DBF4B: variants seen among roughly 807,000 people sequenced by gnomAD.
DBF4B encodes the protein protein DBF4 homolog B.
DBF4B carries 49 observed loss-of-function variants against 53.4 expected under a neutral mutation model. The observed-to-expected ratio is 0.92, with a 90% confidence interval of 0.73 to 1.16. The LOEUF (loss-of-function observed/expected upper bound fraction) is 1.16, where lower values mean the gene tolerates loss of function less well. Among genes scored for constraint, DBF4B ranks in the 50% most tolerant of loss-of-function variants. The probability of loss-of-function intolerance (pLI) is 0.00; values close to 1 mark genes in which losing one functional copy is unlikely to be tolerated. For synonymous variants in DBF4B, 257 were observed against 288.7 expected, an observed-to-expected ratio of 0.89 and a Z score of 1.11; for missense variants, 692 against 775.0, an observed-to-expected ratio of 0.89 and a Z score of 1.27.
chr17:44,749,281 C>G lies in DBF4B; in HGVS notation c.1189+816C>G, dbSNP rs2145169854. On this transcript the variant is annotated intron_variant, in intron 13 of 13. Transcript: ENST00000315005. The surrounding 1 kb of genome is among the most constrained non-coding windows in gnomAD (Gnocchi z 4.4). ...CTGGTCCCAACCCCAGCCCCAGCCC[C>G]AGCCCCATGCTGGCAGAGAGCTGCT... The G allele has an allele frequency of 7.7e-7, 1 of 1,290,462 alleles. No individual in the cohort carries two copies. The highest frequency in any genetic ancestry group is 5.5e-5 in the East Asian group (1 of 18,024). 79.9% of individuals were successfully genotyped at this position (1,290,462 alleles called of 1,614,324 possible). A position where few individuals can be genotyped will look rare whatever the true frequency, so the allele number is the denominator to read the frequency against.
intron 2 of DBF4B, among the ~76,000 whole-genome samples, chr17:44,716,321 A>C (rs1362838800): frequency 1.3e-5 from 2 of 152,048 alleles, no homozygotes; most frequent in African/African-American, 4.8e-5. Flanking sequence ...TTCGCTAGAG[A>C]AGAGTCCTCC....
rs2049282213 is a variant in DBF4B at position 44,751,810 on chromosome 17, T to G, written c.*557T>G. ...ATGGACAGGCTACTGGTGACCAAAG[T>G]TGGTTCCTTTTCTCCTTTCTTTCCT... On this transcript the variant is annotated 3_prime_UTR_variant, in exon 14 of 14. Coordinates refer to ENST00000315005, the MANE Select transcript of DBF4B (RefSeq NM_145663.3). 2 of 1,529,080 alleles carry G rather than the reference T, an allele frequency of 1.3e-6. No homozygotes were observed. The highest frequency in any genetic ancestry group is 2.7e-5 in the African/African-American group (2 of 72,836). The allele number at this position is 1,529,080 out of a possible 1,614,324, so 94.7% of individuals were successfully genotyped here.
chr17:44,740,103 A>G (rs1464367323), intron 9 of DBF4B, among the ~76,000 whole-genome samples: 3 of 152,008 alleles, frequency 2.0e-5, no homozygotes, highest in Non-Finnish European at 4.4e-5. Context: ...AAGCAGGTGC[A>G]TTCAAAGCCT....
intron 2 of DBF4B, among the ~76,000 whole-genome samples, chr17:44,721,163 C>G (rs1056861162): frequency 6.6e-6 from 1 of 151,954 alleles, no homozygotes; most frequent in African/African-American, 2.4e-5. Flanking sequence ...CAGCACCTGG[C>G]CAAGATTTTA....
chr17:44,746,883 G>A (rs1333844770), intron 10 of DBF4B, among the ~76,000 whole-genome samples, 200 bp from the exon 11 acceptor site: 9 of 151,670 alleles, frequency 5.9e-5, no homozygotes, highest in African/African-American at 1.7e-4. Flanking sequence ...GTCTCCAGAC[G>A]TCTTCTTCCT....
At chr17:44,729,145 ATAAC>A (rs1344223360) in intron 3 of DBF4B, among the ~76,000 whole-genome samples, 1 of 152,116 alleles carries the variant, frequency 6.6e-6, no homozygotes, top group Non-Finnish European at 1.5e-5. Flanking sequence ...CCTTCAATTC[ATAAC>A]TAATTTTTTT....
At chr17:44,718,338 G>A (rs372733538) in intron 2 of DBF4B, among the ~76,000 whole-genome samples, 16 of 150,024 alleles carry the variant, frequency 1.1e-4, no homozygotes, top group East Asian at 6.0e-4. Flanking sequence ...CAGGAGAATC[G>A]CTTGAACCTG....
chr17:44,732,463 C>G (rs918562048), intron 6 of DBF4B, 198 bp downstream of exon 6: 81 of 594,008 alleles, frequency 1.4e-4, no homozygotes, highest in African/African-American at 1.3e-3. Context: ...AGGCTGTGGC[C>G]TCGGCATCCC....
rs780729868 is a variant in DBF4B, at chr17:44,750,924, C to T, written c.1519C>T (p.Arg507Cys). The T allele has an allele frequency of 6.8e-6, 11 of 1,614,054 alleles. No homozygotes were observed. The highest frequency in any genetic ancestry group is 1.7e-5 in the Admixed American group (1 of 60,000). ...AGCCAGACCGTGGCTTATGTCTGCA[C>T]GCTGCTGGGTTCGTCCCTTTCCTTT... The part of the protein sequence containing the change: ...PEARPWLMSA[R>C]CWVRPFPFVT... The change falls in exon 14 of 14, where the codon CGC (arginine) becomes TGC (cysteine). Residue 507 changes from arginine (R) to cysteine (C), a missense_variant. This residue lies in a region of DBF4B where 597 missense variants were observed against 665.8 expected (regional missense o/e 0.90). Transcript: ENST00000315005.
At chr17:44,730,612 G>A (rs1974748474) in intron 4 of DBF4B, among the ~76,000 whole-genome samples, 1 of 152,128 alleles carries the variant, frequency 6.6e-6, no homozygotes, top group African/African-American at 2.4e-5. Flanking sequence ...GACTTCCTAC[G>A]AGCAAAAATT....
intron 2 of DBF4B, among the ~76,000 whole-genome samples, chr17:44,712,301 CTTT>C (rs1163777667): frequency 4.6e-4 from 33 of 71,934 alleles, no homozygotes; most frequent in African/African-American, 1.4e-3. Flanking sequence ...ATTATGTCTT[CTTT>C]TTTTTTTTTT....
chr17:44,726,675 T>C (rs1015856713), intron 3 of DBF4B, among the ~76,000 whole-genome samples: 15 of 152,168 alleles, frequency 9.9e-5, no homozygotes, highest in Admixed American at 4.6e-4. Context: ...TAATATTCTT[T>C]TGAGTGGATT....
chr17:44,727,027 A>T (rs1373782292), intron 3 of DBF4B, among the ~76,000 whole-genome samples: 1 of 125,858 alleles, frequency 7.9e-6, no homozygotes, highest in African/African-American at 3.0e-5. Flanking sequence ...TGAAACCGGG[A>T]GGTGGAGGTT....
rs111333759 is a variant in DBF4B, at chr17:44,748,390, C to G, written c.1114C>G (p.Leu372Val). The G allele has an allele frequency of 2.0e-5, 33 of 1,613,278 alleles. 1 individual carries two copies. The African/African-American group carries it at 2.4e-4, about 12-fold the overall frequency. The stretch of plus-strand genomic sequence containing the variant: ...TTGTGACCCTCTCTGTCCTGAGACT[C>G]TGCACCCCCATCAGCCCTCCCATCC... Reference protein sequence around the residue: ...SDCDPLCPETLHPHQPSHPRA... With the variant: ...SDCDPLCPETVHPHQPSHPRA... The change falls in exon 13 of 14, where the codon CTG becomes GTG. Residue 372 changes from leucine (L) to valine (V), a missense_variant. Leu to Val is a conservative substitution (Grantham distance 32). This residue lies in a region of DBF4B where 597 missense variants were observed against 665.8 expected (regional missense o/e 0.90). Coordinates refer to ENST00000315005, the MANE Select transcript of DBF4B (RefSeq NM_145663.3).
At position 44,751,885 on chromosome 17, in the gene DBF4B, C is replaced by T. The variant is rs370720872; in HGVS notation, c.*632C>T. On this transcript the variant is annotated 3_prime_UTR_variant, in exon 14 of 14. Transcript: ENST00000315005. ...GCAGCAGCCCCTCAGTGGCCTGGTT[C>T]TCCTGTCCCCCTGCCCTTCCTCACC... 1.2e-5 allele frequency: 19 copies of T among 1,536,202 alleles called. 1 individual carries two copies. The African/African-American group carries it at 1.4e-4, about 11-fold the overall frequency.
chr17:44,723,003 C>T lies in DBF4B; in HGVS notation c.206C>T (p.Ala69Val), dbSNP rs756843229. 1.2e-6 allele frequency: 2 copies of T among 1,614,012 alleles called. No homozygotes were observed. The highest frequency in any genetic ancestry group is 1.1e-5 in the South Asian group (1 of 91,068). The change falls in exon 3 of 14, where the codon GCC (alanine) becomes GTC (valine). Residue 69 changes from alanine to valine, a missense_variant. Physicochemically the swap from Ala to Val is moderately conservative, Grantham distance 64. Around this residue, in one of 3 missense-constraint regions of DBF4B, gnomAD observed 29 missense variants for 57.8 expected, o/e 0.50. Coordinates refer to ENST00000315005, the MANE Select transcript of DBF4B (RefSeq NM_145663.3). The part of the protein sequence containing the change: ...AGKNLQFLTG[A>V]IQQLGGVIEG... ...AAGAATCTCCAGTTTTTGACGGGGG[C>T]CATTCAGCAACTGGGTGGGGTAGGT...
chr17:44,719,776 T>G (rs1973662273), intron 2 of DBF4B: 1 of 213,388 alleles, frequency 4.7e-6, no homozygotes, highest in Admixed American at 4.5e-5. Context: ...CACCAATTTG[T>G]GAGGATAAAT....
At chr17:44,746,385 C>G (rs1336862451) in intron 10 of DBF4B, among the ~76,000 whole-genome samples, 1 of 152,098 alleles carries the variant, frequency 6.6e-6, no homozygotes, top group Admixed American at 6.6e-5. Flanking sequence ...AAGAGCAGTC[C>G]CTTCACTGTG....
At chr17:44,739,953 C>T (rs767397729) in intron 9 of DBF4B, among the ~76,000 whole-genome samples, 5 of 152,110 alleles carry the variant, frequency 3.3e-5, no homozygotes, top group East Asian at 1.9e-4. Flanking sequence ...TTTGTAGAGA[C>T]GGGGTTTGGC....
Sources: gnomAD v4.1 joint callset for allele counts (sites outside exome capture counted in the v4.1 genomes callset) on GRCh38, gnomAD v4.1.1 for gene constraint, gnomAD v4.1.1 regional missense constraint, Gnocchi (gnomAD v3.1) non-coding constraint, MANE v1.5 for transcripts, NCBI Gene and HGNC (gene_info 2026-07-23, HGNC 2026-07-21) for gene names.